Variants in SLC5A1 observed in about 807,000 individuals in gnomAD.
SLC5A1 encodes solute carrier family 5 member 1, also known as sodium/glucose cotransporter 1.
SLC5A1 carries 42 observed loss-of-function variants against 73.5 expected under a neutral mutation model. The observed-to-expected ratio is 0.57, with a 90% CI of 0.45 to 0.74. The LOEUF (loss-of-function observed/expected upper bound fraction) is 0.74. Among genes scored for constraint, SLC5A1 ranks in the 30% least tolerant of loss-of-function variants. The pLI, the probability that SLC5A1 is intolerant of heterozygous loss-of-function variation, is 0.00. For synonymous variants in SLC5A1, 300 were observed against 317.4 expected (o/e 0.95, Z 0.58); for missense variants, 634 against 855.4 (o/e 0.74, Z 3.23).
At position 32,084,892 on chromosome 22, in the gene SLC5A1, T is replaced by C; in HGVS notation, c.886-8T>C. ...TGCACACCTCCCTTACTGGGCTTTT[T>C]CTGGCAGGTCATTGTGCAGCGCTGC... On this transcript the variant is annotated splice_region_variant and splice_polypyrimidine_tract_variant and intron_variant, in intron 8 of 14. Coordinates refer to ENST00000266088, the MANE Select transcript of SLC5A1 (RefSeq NM_000343.4). The C allele has an allele frequency of 6.2e-7, 1 of 1,614,052 alleles. No individual in the cohort carries two copies. Among genetic ancestry groups the C allele is most frequent in the Non-Finnish European group, 8.5e-7 (1 of 1,180,024 alleles).
intron 6 of SLC5A1, 71 bp from the exon 7 acceptor site, chr22:32,083,003 G>C: frequency 2.9e-6 from 4 of 1,381,814 alleles, no homozygotes; most frequent in Non-Finnish European, 4.1e-6. Flanking sequence ...AGGGTGGAGA[G>C]TGGGGAAGGA....
chr22:32,051,073 A>G (rs532828643), intron 2 of SLC5A1, among the ~76,000 whole-genome samples: 1 of 152,192 alleles, frequency 6.6e-6, no homozygotes, highest in Non-Finnish European at 1.5e-5. Flanking sequence ...TTACACAGAG[A>G]AGTGAGGCCC....
intron 11 of SLC5A1, among the ~76,000 whole-genome samples, chr22:32,093,170 T>A (rs545911022): frequency 6.6e-6 from 1 of 152,324 alleles, no homozygotes; most frequent in South Asian, 2.1e-4. Context: ...CTGTGCCTAT[T>A]TTTATATCAG....
chr22:32,076,685 G>A (rs1191526976), intron 5 of SLC5A1, among the ~76,000 whole-genome samples: 1 of 152,218 alleles, frequency 6.6e-6, no homozygotes, highest in South Asian at 2.1e-4. Context: ...TGCGAGGCTA[G>A]GCAGGATTTA....
chr22:32,055,114 G>C (rs1477018551), intron 2 of SLC5A1, among the ~76,000 whole-genome samples: 1 of 152,166 alleles, frequency 6.6e-6, no homozygotes, highest in African/African-American at 2.4e-5. Context: ...GACCTCACCT[G>C]CCTTTTGTGC....
At position 32,104,832 on chromosome 22, in the gene SLC5A1, T is replaced by C; in HGVS notation, c.1712T>C (p.Ile571Thr). 1 of 1,614,148 alleles carries C rather than the reference T, an allele frequency of 6.2e-7. No individual in the cohort carries two copies. The highest frequency in any genetic ancestry group is 1.3e-5 in the African/African-American group (1 of 75,042). ...CTGCGCAACAGCAAAGAGGAGCGTA[T>C]TGACCTGGATGCGGAAGAGGAGAAC... ...WSLRNSKEERIDLDAEEENIQ... is the reference protein window; with the variant it reads ...WSLRNSKEERTDLDAEEENIQ... Residue 571 changes from isoleucine (I) to threonine (T), a missense_variant, in exon 14 of 15, where the codon ATT becomes ACT. Around this residue, in one of 3 missense-constraint regions of SLC5A1, gnomAD observed 161 missense variants for 178.7 expected, o/e 0.90. Transcript: ENST00000266088.
intron 10 of SLC5A1, among the ~76,000 whole-genome samples, chr22:32,087,967 T>C (rs544227112): frequency 1.3e-5 from 2 of 152,262 alleles, no homozygotes; most frequent in East Asian, 3.9e-4. Flanking sequence ...GGAGAGTCTT[T>C]TAAAAAATTA....
At position 32,102,358 on chromosome 22, in the gene SLC5A1, G is replaced by A. The variant is rs116367554; in HGVS notation, c.1665+121G>A. 4.3e-3 allele frequency: 3,266 copies of A among 761,606 alleles called. 95 individuals carry two copies. In the African/African-American group the frequency reaches 0.053, roughly 12 times the overall value. The allele number at this position is 761,606 out of a possible 1,614,324, so 47.2% of individuals were successfully genotyped here. ...AGTTGTATATAATTATGGGGTACATGTAATGTTTTGATACAGGCATACAAT... is the reference window on the plus strand; with the variant it reads ...AGTTGTATATAATTATGGGGTACATATAATGTTTTGATACAGGCATACAAT... On this transcript the variant is annotated intron_variant, in intron 13 of 14. Coordinates refer to ENST00000266088, the MANE Select transcript of SLC5A1 (RefSeq NM_000343.4).
At chr22:32,068,332 G>C (rs942235244) in intron 4 of SLC5A1, among the ~76,000 whole-genome samples, 164 bp from the exon 5 acceptor site, 12 of 152,306 alleles carry the variant, frequency 7.9e-5, no homozygotes, top group African/African-American at 2.6e-4. Context: ...ATGGCTGGAG[G>C]TCAGGGGCCA....
At chr22:32,096,206 C>T (rs1272654809) in intron 11 of SLC5A1, among the ~76,000 whole-genome samples, 1 of 152,138 alleles carries the variant, frequency 6.6e-6, no homozygotes, top group East Asian at 1.9e-4. Flanking sequence ...TTTTCTAGAT[C>T]CTACAGTGGC....
At chr22:32,088,494 G>A (rs778765009) in intron 10 of SLC5A1, among the ~76,000 whole-genome samples, 10 of 151,788 alleles carry the variant, frequency 6.6e-5, no homozygotes, top group South Asian at 2.1e-4. Context: ...CTGCCACCAC[G>A]CCCAGCTAAT....
intron 9 of SLC5A1, 80 bp from the exon 10 acceptor site, chr22:32,086,139 TC>T: frequency 1.2e-6 from 1 of 846,110 alleles, no homozygotes; most frequent in Admixed American, 1.8e-5. Context: ...AGACTCCGTC[TC>T]AAAAAAAAAA....
intron 10 of SLC5A1, among the ~76,000 whole-genome samples, chr22:32,087,370 C>T (rs2094009984): frequency 6.6e-6 from 1 of 152,146 alleles, no homozygotes; most frequent in Non-Finnish European, 1.5e-5. Flanking sequence ...ATAACTTTTA[C>T]TTGCCAATTA....
rs771360122 is a variant in SLC5A1, at chr22:32,067,043, A to G, written c.312+4A>G. 1 of 1,602,048 alleles carries G rather than the reference A, an allele frequency of 6.2e-7. No homozygotes were observed. Among genetic ancestry groups the G allele is most frequent in the Non-Finnish European group, 8.6e-7 (1 of 1,169,400 alleles). On this transcript the variant is annotated splice_donor_region_variant and intron_variant, in intron 3 of 14. Transcript: ENST00000266088. ...CATTGGAGGCTTTGAATGGAATGTG[A>G]GTAACACTGCAGCCATGGTGCACTG... is the stretch of plus-strand genomic sequence containing the variant.
intron 13 of SLC5A1, 47 bp downstream of exon 13, chr22:32,102,284 C>A (rs745893061): frequency 2.1e-6 from 3 of 1,400,270 alleles, no homozygotes; most frequent in Non-Finnish European, 2.0e-6. Context: ...GTTCACACTG[C>A]AATGTTCTTT....
At chr22:32,096,963 T>G (rs922035486) in intron 11 of SLC5A1, among the ~76,000 whole-genome samples, 2 of 152,244 alleles carry the variant, frequency 1.3e-5, no homozygotes, top group African/African-American at 4.8e-5. Context: ...AGAGGATCTT[T>G]ACTCTGAACC....
chr22:32,086,137 T>A, intron 9 of SLC5A1, 83 bp from the exon 10 acceptor site: 1 of 858,606 alleles, frequency 1.2e-6, no homozygotes. Context: ...TGAGACTCCG[T>A]CTCAAAAAAA....
At chr22:32,065,119 A>AT (rs964577034) in intron 2 of SLC5A1, among the ~76,000 whole-genome samples, 4 of 151,440 alleles carry the variant, frequency 2.6e-5, no homozygotes, top group East Asian at 1.9e-4. Flanking sequence ...AAGTTTTTAC[A>AT]TTTTTTTTGT....
At chr22:32,096,851 T>C (rs894981801) in intron 11 of SLC5A1, among the ~76,000 whole-genome samples, 1 of 152,114 alleles carries the variant, frequency 6.6e-6, no homozygotes, top group Non-Finnish European at 1.5e-5. Context: ...TGCTACCTCA[T>C]AGGTCTCATT....
Sources: allele counts gnomAD v4.1 joint callset (sites outside exome capture counted in the v4.1 genomes callset), GRCh38; gene constraint gnomAD v4.1.1; regional missense constraint gnomAD v4.1.1; transcripts MANE v1.5; gene names NCBI Gene and HGNC (gene_info 2026-07-23, HGNC 2026-07-21).